The following ANAPC1 variants were observed in gnomAD, a reference collection of about 807,000 sequenced individuals.
The protein encoded by ANAPC1 is anaphase-promoting complex subunit 1.
Under a neutral mutation model 208.0 loss-of-function variants are expected in ANAPC1, and 36 were observed. The observed-to-expected ratio is 0.17, with a 90% CI of 0.13 to 0.23. The LOEUF is 0.23. Ranked by LOEUF, ANAPC1 falls within the 10% of genes least tolerant of loss-of-function variation. ANAPC1 has a pLI of 1.00. For synonymous variants in ANAPC1, 378 were observed against 695.2 expected, an observed-to-expected ratio of 0.54 and a Z score of 7.18; for missense variants, 942 against 2,011.6, an observed-to-expected ratio of 0.47 and a Z score of 10.17.
intron 18 of ANAPC1, among the ~76,000 whole-genome samples, chr2:111,837,177 A>C (rs1680516238): frequency 6.6e-6 from 1 of 152,244 alleles, no homozygotes; most frequent in East Asian, 1.9e-4. Flanking sequence ...ATATGAATTA[A>C]TCTCAAAAGC....
chr2:111,823,000 CTTTTTTTTTT>C (rs58815496), intron 24 of ANAPC1, among the ~76,000 whole-genome samples: 1 of 61,312 alleles, frequency 1.6e-5, no homozygotes, highest in African/African-American at 7.1e-5. Flanking sequence ...TCTTTTTATT[CTTTTTTTTTT>C]TTTTTTTTTT....
At position 111,769,679 on chromosome 2, in the gene ANAPC1, C is replaced by T. The variant is rs2367695; in HGVS notation, c.5720-273G>A. 1.4e-3 allele frequency among the ~76,000 whole-genome samples: 119 copies of T among 83,148 alleles called. 6 individuals carry two copies. Among genetic ancestry groups the T allele is most frequent in the Middle Eastern group, 5.7e-3 (1 of 174 alleles). 54.5% of individuals were successfully genotyped at this position (83,148 alleles called of 152,430 possible). A position where few individuals can be genotyped will look rare whatever the true frequency, so the allele number is the denominator to read the frequency against. ...TATCTGCATTACACCTACTGGCTTT[C>T]TTTTTTTTTTTTTTTTTTTGGAGAC... On this transcript the variant is annotated intron_variant, in intron 47 of 47. Coordinates refer to ENST00000341068, the MANE Select transcript of ANAPC1 (RefSeq NM_022662.4).
intron 26 of ANAPC1, among the ~76,000 whole-genome samples, chr2:111,819,698 A>G (rs545137265): frequency 6.6e-6 from 1 of 151,556 alleles, no homozygotes; most frequent in East Asian, 1.9e-4. Flanking sequence ...TAGGGCATTT[A>G]TAACTAAGAA....
chr2:111,823,290 T>C (rs1679645666), intron 24 of ANAPC1, among the ~76,000 whole-genome samples: 1 of 152,054 alleles, frequency 6.6e-6, no homozygotes, highest in South Asian at 2.1e-4. Context: ...GTGCTGGCAT[T>C]ACAGGCATGA....
At chr2:111,828,097 T>C (rs1377088006) in intron 21 of ANAPC1, among the ~76,000 whole-genome samples, 1 of 152,008 alleles carries the variant, frequency 6.6e-6, no homozygotes, top group East Asian at 1.9e-4. Context: ...AAAATAAAAA[T>C]CCAATTTTCA....
intron 15 of ANAPC1, 60 bp from the exon 16 acceptor site, chr2:111,847,258 T>C (rs1681144947): frequency 1.6e-6 from 2 of 1,231,228 alleles, no homozygotes; most frequent in African/African-American, 3.0e-5. Context: ...TTTGAATGTC[T>C]TAAAAATAGC....
chr2:111,872,469 G>A (rs754177217), intron 6 of ANAPC1, among the ~76,000 whole-genome samples, 161 bp downstream of exon 6: 1 of 152,104 alleles, frequency 6.6e-6, no homozygotes, highest in Non-Finnish European at 1.5e-5. Flanking sequence ...CAGATTTTTG[G>A]ATCAGGGATA....
chr2:111,808,786 A>AC (rs1287747227), intron 29 of ANAPC1, among the ~76,000 whole-genome samples, 161 bp downstream of exon 29: 6 of 152,016 alleles, frequency 3.9e-5, no homozygotes, highest in African/African-American at 1.5e-4. Flanking sequence ...AACATTACTT[A>AC]GAGTTTTGTT....
chr2:111,874,861 C>T (rs962403082), intron 3 of ANAPC1, among the ~76,000 whole-genome samples: 5 of 152,172 alleles, frequency 3.3e-5, no homozygotes, highest in African/African-American at 1.2e-4. Flanking sequence ...CTCTGTCACC[C>T]AAACTGCAAT....
Position 111,861,711 on chromosome 2 carries a change from C to T in ANAPC1, c.1262+678G>A, listed in dbSNP as rs867671946. On this transcript the variant is annotated intron_variant, in intron 10 of 47. Coordinates refer to ENST00000341068, the MANE Select transcript of ANAPC1 (RefSeq NM_022662.4). Reference sequence around the variant, plus strand: ...ATAAAAGAAGAAAGGTCACCCAGAACAGAGATCTAAGCTATGTTTCCCAAA... The same window carrying T: ...ATAAAAGAAGAAAGGTCACCCAGAATAGAGATCTAAGCTATGTTTCCCAAA... 3.5e-3 allele frequency among the ~76,000 whole-genome samples: 404 copies of T among 116,054 alleles called. 6 individuals are homozygous for T. Among genetic ancestry groups the T allele is most frequent in the Middle Eastern group, 0.033 (9 of 276 alleles). 76.1% of individuals were successfully genotyped at this position (116,054 alleles called of 152,430 possible). A position where few individuals can be genotyped will look rare whatever the true frequency, so the allele number is the denominator to read the frequency against.
chr2:111,823,582 AC>A (rs1194496737), intron 24 of ANAPC1, among the ~76,000 whole-genome samples: 1 of 152,188 alleles, frequency 6.6e-6, no homozygotes, highest in Non-Finnish European at 1.5e-5. Flanking sequence ...ATATGTTCAA[AC>A]AAAGTAATCT....
Position 111,769,021 on chromosome 2 carries a change from C to T in ANAPC1, c.*270G>A, listed in dbSNP as rs1479172167. 1 of 301,138 alleles carries T rather than the reference C, an allele frequency of 3.3e-6. No homozygotes were observed. Among genetic ancestry groups the T allele is most frequent in the African/African-American group, 2.2e-5 (1 of 46,362 alleles). The allele number at this position is 301,138 out of a possible 1,614,324, so 18.7% of individuals were successfully genotyped here. ...TCAATATTCACTCCAGCAACCCCTG[C>T]TCTATTCTCTAAGTCCAAAACTAAA... On this transcript the variant is annotated 3_prime_UTR_variant, in exon 48 of 48. Transcript: ENST00000341068.
intron 17 of ANAPC1, among the ~76,000 whole-genome samples, chr2:111,840,705 A>C (rs889615834): frequency 2.6e-5 from 4 of 152,222 alleles, no homozygotes; most frequent in African/African-American, 9.6e-5. Flanking sequence ...GTAATAAAGA[A>C]CAGAAAAATT....
At chr2:111,848,776 CAA>C (rs373488904) in intron 14 of ANAPC1, among the ~76,000 whole-genome samples, 19 of 99,844 alleles carry the variant, frequency 1.9e-4, no homozygotes, top group Admixed American at 3.3e-4. Flanking sequence ...GACTCCATCT[CAA>C]AAAAAAAAAA....
intron 7 of ANAPC1, among the ~76,000 whole-genome samples, chr2:111,867,004 T>C (rs1401124666): frequency 6.6e-6 from 1 of 151,872 alleles, no homozygotes; most frequent in Non-Finnish European, 1.5e-5. Flanking sequence ...GTAAAAACCA[T>C]TCTTATGTTG....
chr2:111,846,781 G>A (rs1055148803), intron 16 of ANAPC1, among the ~76,000 whole-genome samples: 1 of 151,652 alleles, frequency 6.6e-6, no homozygotes, highest in Non-Finnish European at 1.5e-5. Flanking sequence ...TGTTGGCCAG[G>A]CTAGTCTCAA....
chr2:111,851,005 T>C, intron 13 of ANAPC1, 95 bp from the exon 14 acceptor site: 1 of 1,393,270 alleles, frequency 7.2e-7, no homozygotes, highest in East Asian at 2.5e-5. Flanking sequence ...TATATTTCTT[T>C]TGATATTTCT....
intron 18 of ANAPC1, among the ~76,000 whole-genome samples, chr2:111,837,109 C>T (rs10153655): frequency 0.87 from 132,980 of 152,098 alleles, 58,440 homozygotes; most frequent in Middle Eastern, 0.98. Context: ...ATAAACAAAC[C>T]ATGGTATATT....
chr2:111,782,713 T>G (rs1044429296), intron 42 of ANAPC1, among the ~76,000 whole-genome samples: 1 of 152,220 alleles, frequency 6.6e-6, no homozygotes, highest in Non-Finnish European at 1.5e-5. Context: ...TCTAGATTCA[T>G]GGAACTTGTT....
Sources: allele counts gnomAD v4.1 joint callset (sites outside exome capture counted in the v4.1 genomes callset), GRCh38; gene constraint gnomAD v4.1.1; transcripts MANE v1.5; gene names NCBI Gene and HGNC (gene_info 2026-07-23, HGNC 2026-07-21).